ZP1: variants seen among roughly 807,000 people sequenced by gnomAD.
The protein encoded by ZP1 is zona pellucida glycoprotein 1.
In ZP1, 58 loss-of-function variants were observed where a neutral mutation model predicts 67.4. The ratio of observed to expected loss-of-function variants is 0.86; its 90% confidence interval spans 0.70 to 1.07. The LOEUF (loss-of-function observed/expected upper bound fraction) is 1.07, where lower values mean the gene tolerates loss of function less well. Ranked by LOEUF, ZP1 falls within the 50% of genes least tolerant of loss-of-function variation. The pLI, the probability that ZP1 is intolerant of heterozygous loss-of-function variation, is 0.00. For synonymous variants in ZP1, 333 were observed against 332.7 expected, an observed-to-expected ratio of 1.00 and a Z score of -0.01; for missense variants, 759 against 807.3, an observed-to-expected ratio of 0.94 and a Z score of 0.72.
At position 60,874,932 on chromosome 11, in the gene ZP1, G is replaced by C; in HGVS notation, c.1573-1G>C. On this transcript the variant is annotated splice_acceptor_variant, in intron 9 of 11. Coordinates refer to ENST00000278853, the MANE Select transcript of ZP1 (RefSeq NM_207341.4). LOFTEE classifies it high-confidence loss of function. ...CTTTGATGTTCTTCTCCTTCCACCA[G>C]GTTTACTTGTTCTGCAGCACCTCTG... is the stretch of plus-strand genomic sequence containing the variant. 4 of 1,614,190 alleles carry C rather than the reference G, an allele frequency of 2.5e-6. No individual in the cohort carries two copies. Among genetic ancestry groups the C allele is most frequent in the Non-Finnish European group, 2.5e-6 (3 of 1,180,038 alleles).
chr11:60,870,694 C>A (rs755487468), intron 4 of ZP1: 1 of 681,052 alleles, frequency 1.5e-6, no homozygotes. Flanking sequence ...ACCTTACACA[C>A]ATCTGGACTT....
At chr11:60,870,693 A>G in intron 4 of ZP1, 1 of 680,322 alleles carries the variant, frequency 1.5e-6, no homozygotes. Flanking sequence ...TACCTTACAC[A>G]CATCTGGACT....
At position 60,873,560 on chromosome 11, in the gene ZP1, G is replaced by A. The variant is rs750703919; in HGVS notation, c.1426G>A (p.Asp476Asn). The A allele has an allele frequency of 6.2e-7, 1 of 1,612,980 alleles. No individual in the cohort carries two copies. Among genetic ancestry groups the A allele is most frequent in the Non-Finnish European group, 8.5e-7 (1 of 1,179,184 alleles). The change falls in exon 8 of 12, where the codon GAC becomes AAC. Residue 476 changes from aspartate to asparagine, a missense_variant. Transcript: ENST00000278853. The stretch of plus-strand genomic sequence containing the variant: ...GCAGCCCCAGTGGCCCATCCTGTCA[G>A]ACGGGTGAGTGCCCCCACACTCCCC... ...FQQPQWPILS[D>N]GCPFKGDSYR...
Position 60,870,492 on chromosome 11 carries a change from C to T in ZP1, c.826+17C>T. The T allele has an allele frequency of 1.3e-6, 2 of 1,589,490 alleles. No homozygotes were observed. The highest frequency in any genetic ancestry group is 1.7e-6 in the Non-Finnish European group (2 of 1,166,654). ...GCAACACAGGTACAACCTCCCACCC[C>T]AGCAAGATCCTGGTCCCTTGGATTC... On this transcript the variant is annotated intron_variant, in intron 4 of 11. Coordinates refer to ENST00000278853, the MANE Select transcript of ZP1 (RefSeq NM_207341.4).
chr11:60,873,439 A>G lies in ZP1; in HGVS notation c.1305A>G (p.Pro435=). ...CCATCGTGAGGCTGCTCCGAGAACC[A>G]GTCCATGTGGAGGTCCGGCTTCTGC... is the stretch of plus-strand genomic sequence containing the variant. ...DYPIVRLLRE[P]VHVEVRLLQR... The change falls in exon 8 of 12, where the codon CCA becomes CCG. Residue 435 remains proline, a synonymous_variant. Coordinates refer to ENST00000278853, the MANE Select transcript of ZP1 (RefSeq NM_207341.4). The G allele has an allele frequency of 6.2e-7, 1 of 1,613,234 alleles. No homozygotes were observed. The highest frequency in any genetic ancestry group is 1.7e-4 in the Middle Eastern group (1 of 6,058).
chr11:60,874,945 T>C lies in ZP1; in HGVS notation c.1585T>C (p.Cys529Arg). The stretch of plus-strand genomic sequence containing the variant: ...CTCCTTCCACCAGGTTTACTTGTTC[T>C]GCAGCACCTCTGCCTGCCACACCTC... ...RALRGLVYLF[C>R]STSACHTSGL... Residue 529 changes from cysteine (C) to arginine (R), a missense_variant, in exon 10 of 12, where the codon TGC (cysteine) becomes CGC (arginine). Coordinates refer to ENST00000278853, the MANE Select transcript of ZP1 (RefSeq NM_207341.4). 6.2e-7 allele frequency: 1 copy of C among 1,614,250 alleles called. No homozygotes were observed. The highest frequency in any genetic ancestry group is 1.6e-4 in the Middle Eastern group (1 of 6,062).
Position 60,871,052 on chromosome 11 carries a change from G to A in ZP1, c.922G>A (p.Ala308Thr). The A allele has an allele frequency of 6.2e-7, 1 of 1,614,204 alleles. No homozygotes were observed. The highest frequency in any genetic ancestry group is 8.5e-7 in the Non-Finnish European group (1 of 1,180,046). ...GATCACACTGGCCAACATCCACCTG[G>A]CCTATGCCCCCACCAGCTGCTCCCC... ...HRITLANIHL[A>T]YAPTSCSPTQ... is the part of the protein sequence containing the mutation. The change falls in exon 5 of 12, where the codon GCC (alanine) becomes ACC (threonine). Residue 308 changes from alanine to threonine, a missense_variant. Coordinates refer to ENST00000278853, the MANE Select transcript of ZP1 (RefSeq NM_207341.4).
chr11:60,870,062 G>C (rs192204958), intron 3 of ZP1, among the ~76,000 whole-genome samples, 162 bp downstream of exon 3: 27 of 152,294 alleles, frequency 1.8e-4, no homozygotes, highest in African/African-American at 6.3e-4. Context: ...TTGGAAAACA[G>C]CTTTAAACAT....
intron 1 of ZP1, 30 bp downstream of exon 1, chr11:60,867,787 C>T (rs1432915962): frequency 4.4e-6 from 7 of 1,601,310 alleles, no homozygotes; most frequent in African/African-American, 1.3e-5. Flanking sequence ...TGGCCCCTGC[C>T]TCCCTGGCCA....
rs1335622233 is a variant in ZP1 at position 60,873,243 on chromosome 11, T to C, written c.1194T>C (p.Pro398=). 1.9e-6 allele frequency: 3 copies of C among 1,605,690 alleles called. No individual in the cohort carries two copies. In the Admixed American group the frequency reaches 5.1e-5, roughly 27 times the overall value. ...TTTTCCCACCCCCATCGCCTGCTCC[T>C]ATGACCCAGCCCGGCCCCCTGCGGC... ...ASIFPPPSPA[P]MTQPGPLRLE... Residue 398 remains proline, a synonymous_variant, in exon 7 of 12, where the codon CCT becomes CCC. Transcript: ENST00000278853.
intron 1 of ZP1, among the ~76,000 whole-genome samples, chr11:60,868,254 T>C (rs1180876088): frequency 6.6e-6 from 1 of 152,046 alleles, no homozygotes; most frequent in African/African-American, 2.4e-5. Flanking sequence ...ACGATATTGG[T>C]CAGGCTGGTC....
intron 6 of ZP1, among the ~76,000 whole-genome samples, chr11:60,871,759 T>C (rs753248591): frequency 3.9e-5 from 6 of 152,064 alleles, no homozygotes; most frequent in Admixed American, 2.0e-4. Context: ...GAGGATGTGG[T>C]GGGAGAGGAA....
intron 6 of ZP1, 144 bp from the exon 7 acceptor site, chr11:60,873,018 T>G: frequency 1.1e-6 from 1 of 906,278 alleles, no homozygotes; most frequent in Non-Finnish European, 1.6e-6. Flanking sequence ...TTGGAAATGC[T>G]GAGTATTGCT....
Position 60,873,722 on chromosome 11 carries a change from G to C in ZP1, c.1519G>C (p.Val507Leu), listed in dbSNP as rs779381193. ...PFQSHYQRFTVATFALLDSGS... is the reference protein window; with the variant it reads ...PFQSHYQRFTLATFALLDSGS... Reference sequence around the variant, plus strand: ...CCAGTCGCACTACCAGCGATTCACTGTTGCTACCTTCGCCCTCCTGGACTC... The same window carrying C: ...CCAGTCGCACTACCAGCGATTCACTCTTGCTACCTTCGCCCTCCTGGACTC... The change falls in exon 9 of 12, where the codon GTT becomes CTT. Residue 507 changes from valine (V) to leucine (L), a missense_variant. Physicochemically the swap from Val to Leu is conservative, Grantham distance 32. Coordinates refer to ENST00000278853, the MANE Select transcript of ZP1 (RefSeq NM_207341.4). 2 of 1,614,076 alleles carry C rather than the reference G, an allele frequency of 1.2e-6. No homozygotes were observed. The highest frequency in any genetic ancestry group is 1.7e-5 in the Admixed American group (1 of 60,004).
chr11:60,873,867 G>A, intron 9 of ZP1, 92 bp downstream of exon 9: 1 of 1,542,754 alleles, frequency 6.5e-7, no homozygotes, highest in South Asian at 1.1e-5. Context: ...GAACTTATAT[G>A]GACAAAGTTC....
chr11:60,869,476 C>T (rs1231368880), intron 2 of ZP1, 61 bp from the exon 3 acceptor site: 3 of 1,548,658 alleles, frequency 1.9e-6, no homozygotes, highest in Non-Finnish European at 2.6e-6. Flanking sequence ...TGGGCCCGTC[C>T]CCTGCCTGGG....
rs1194231438 is a variant in ZP1 at position 60,871,018 on chromosome 11, G to C, written c.888G>C (p.Leu296Phe). ...FVLVVSQEMA[L>F]THRITLANIH... ...TCGTGGTGTCCCAAGAAATGGCCTT[G>C]ACACACAGGATCACACTGGCCAACA... The change falls in exon 5 of 12, where the codon TTG becomes TTC. Residue 296 changes from leucine to phenylalanine, a missense_variant. Leu to Phe is a conservative substitution (Grantham distance 22). Coordinates refer to ENST00000278853, the MANE Select transcript of ZP1 (RefSeq NM_207341.4). 10 of 1,614,088 alleles carry C rather than the reference G, an allele frequency of 6.2e-6. No homozygotes were observed. The Admixed American group carries it at 8.3e-5, about 13-fold the overall frequency.
rs750224487 is a variant in ZP1 at position 60,874,957 on chromosome 11, G to A, written c.1597G>A (p.Ala533Thr). 3 of 1,614,226 alleles carry A rather than the reference G, an allele frequency of 1.9e-6. No homozygotes were observed. In the South Asian group the frequency reaches 3.3e-5, roughly 18 times the overall value. Residue 533 changes from alanine to threonine, a missense_variant, in exon 10 of 12, where the codon GCC becomes ACC. Ala to Thr is a moderately conservative substitution (Grantham distance 58). Transcript: ENST00000278853. The part of the protein sequence containing the change: ...GLVYLFCSTS[A>T]CHTSGLETCS... ...GGTTTACTTGTTCTGCAGCACCTCT[G>A]CCTGCCACACCTCAGGGCTGGAGAC...
intron 5 of ZP1, 26 bp from the exon 6 acceptor site, chr11:60,871,191 C>G: frequency 6.2e-7 from 1 of 1,614,032 alleles, no homozygotes; most frequent in Non-Finnish European, 8.5e-7. Context: ...CACCAGAAAG[C>G]CTCACCCAGC....
Sources: allele counts gnomAD v4.1 joint callset (sites outside exome capture counted in the v4.1 genomes callset), GRCh38; gene constraint gnomAD v4.1.1; transcripts MANE v1.5; gene names NCBI Gene and HGNC (gene_info 2026-07-23, HGNC 2026-07-21).